The following OPCML variants were observed in gnomAD, a reference collection of about 807,000 sequenced individuals.
OPCML encodes the protein opioid-binding protein/cell adhesion molecule.
OPCML carries 13 observed loss-of-function variants against 37.8 expected under a neutral mutation model. That is an observed-to-expected ratio of 0.34 (90% CI 0.22 to 0.55). The LOEUF (loss-of-function observed/expected upper bound fraction) is 0.55, where lower values mean the gene tolerates loss of function less well. OPCML is among the 20% of genes least tolerant of loss of function. The probability of loss-of-function intolerance (pLI) is 0.91; values close to 1 mark genes in which losing one functional copy is unlikely to be tolerated. For synonymous variants in OPCML, 176 were observed against 168.8 expected (o/e 1.04, Z -0.33); for missense variants, 341 against 435.6 (o/e 0.78, Z 1.93).
intron 3 of OPCML, among the ~76,000 whole-genome samples, chr11:132,630,526 ATGTGTG>A (rs140438717): frequency 4.0e-5 from 6 of 148,980 alleles, no homozygotes; most frequent in Middle Eastern, 3.5e-3. Flanking sequence ...AGGACACAAT[ATGTGTG>A]TGTGTGTGTG....
chr11:132,999,352 G>A (rs187848112), intron 1 of OPCML, among the ~76,000 whole-genome samples: 174 of 152,112 alleles, frequency 1.1e-3, no homozygotes, highest in Admixed American at 9.7e-3. Flanking sequence ...ACTCGGTTTG[G>A]GGATAGTTAA....
At chr11:132,669,193 A>G (rs1371983333) in intron 2 of OPCML, among the ~76,000 whole-genome samples, 2 of 151,998 alleles carry the variant, frequency 1.3e-5, no homozygotes, top group African/African-American at 4.8e-5. Context: ...GCGTCAGTGT[A>G]TAAACAGGAT....
chr11:132,517,509 G>C (rs563156026), intron 4 of OPCML, among the ~76,000 whole-genome samples: 2 of 152,118 alleles, frequency 1.3e-5, no homozygotes, highest in South Asian at 4.1e-4. Context: ...ATGGAACCAG[G>C]CTGCTTATTA....
intron 1 of OPCML, among the ~76,000 whole-genome samples, chr11:133,506,527 C>T (rs999391002): frequency 2.0e-5 from 3 of 152,154 alleles, no homozygotes; most frequent in Admixed American, 1.3e-4. Context: ...CCTGCTCTGG[C>T]GTTGTGATCC....
intron 2 of OPCML, among the ~76,000 whole-genome samples, chr11:132,939,269 C>T (rs935633987): frequency 1.3e-5 from 2 of 152,202 alleles, no homozygotes; most frequent in African/African-American, 4.8e-5. Context: ...TTTGGAAACT[C>T]TACTGCCCAG....
In OPCML at chr11:133,340,643, T is replaced by A. The variant is rs1355846440; in HGVS notation, c.61+191621A>T. 4.2e-5 allele frequency among the ~76,000 whole-genome samples: 6 copies of A among 142,934 alleles called. No individual in the cohort carries two copies. In the East Asian group the frequency reaches 1.2e-3, roughly 28 times the overall value. The allele number at this position is 142,934 out of a possible 152,430, so 93.8% of individuals were successfully genotyped here. A position where few individuals can be genotyped will look rare whatever the true frequency, so the allele number is the denominator to read the frequency against. On this transcript the variant is annotated intron_variant, in intron 1 of 7. Transcript: ENST00000524381. Reference sequence around the variant, plus strand: ...GTGTGTGTGTGTGTGTGTGTGTGTGTGTGTGTAAGAGCTTTTACATTTCCC... The same window carrying A: ...GTGTGTGTGTGTGTGTGTGTGTGTGAGTGTGTAAGAGCTTTTACATTTCCC...
rs2096137431 is a variant in OPCML at position 132,471,331 on chromosome 11, T to C, written c.506-33972A>G. Among the ~76,000 whole-genome samples the C allele has an allele frequency of 5.3e-5, 8 of 152,290 alleles. No individual in the cohort carries two copies. The South Asian group carries it at 1.2e-3, about 24-fold the overall frequency. ...TCAGGTACTGCTCCTGTTCTCCTCT[T>C]GACTCAGTTATCTATTAATTATCTA... On this transcript the variant is annotated intron_variant, in intron 4 of 7. Coordinates refer to ENST00000524381, the MANE Select transcript of OPCML (RefSeq NM_001012393.5).
rs146813095 is a variant in OPCML at position 132,652,214 on chromosome 11, C to A, written c.379+4873G>T. On this transcript the variant is annotated intron_variant, in intron 3 of 7. Coordinates refer to ENST00000524381, the MANE Select transcript of OPCML (RefSeq NM_001012393.5). ...GCTACTAGAAAATTAATTATCCTCT[C>A]TTTGCCCCCCTCACAGCCTCTCTAC... Among the ~76,000 whole-genome samples the A allele has an allele frequency of 4.1e-3, 627 of 152,294 alleles. 3 individuals are homozygous for A. The highest frequency in any genetic ancestry group is 0.013 in the African/African-American group (528 of 41,570).
chr11:133,206,767 G>T lies in OPCML; in HGVS notation c.62-263757C>A, dbSNP rs1939079093. 6.6e-6 allele frequency among the ~76,000 whole-genome samples: 1 copy of T among 152,112 alleles called. No homozygotes were observed. Among genetic ancestry groups the T allele is most frequent in the South Asian group, 2.1e-4 (1 of 4,822 alleles). ...ATGGAAACAAGAAATGCACTGCCTC[G>T]GCGGAGTCTTCTGGTCCGCAGGTTT... On this transcript the variant is annotated intron_variant, in intron 1 of 7. Coordinates refer to ENST00000524381, the MANE Select transcript of OPCML (RefSeq NM_001012393.5). The surrounding 1 kb of genome is among the most constrained non-coding windows in gnomAD (Gnocchi z 4.7).
rs576930454 is a variant in OPCML at position 132,596,118 on chromosome 11, A to G, written c.379+60969T>C. ...ATTGGATTTTCACATACATGACATA[A>G]TCATGTCATGTCCATAGTGGCTTTG... On this transcript the variant is annotated intron_variant, in intron 3 of 7. Transcript: ENST00000524381. Among the ~76,000 whole-genome samples the G allele has an allele frequency of 2.3e-4, 35 of 152,310 alleles. No individual in the cohort carries two copies. In the South Asian group the frequency reaches 3.1e-3, roughly 14 times the overall value.
At chr11:133,439,533 T>C (rs1301200462) in intron 1 of OPCML, among the ~76,000 whole-genome samples, 1 of 152,054 alleles carries the variant, frequency 6.6e-6, no homozygotes, top group African/African-American at 2.4e-5. Flanking sequence ...AGTGGCTCCA[T>C]CTCTGCTCAC....
intron 7 of OPCML, among the ~76,000 whole-genome samples, chr11:132,432,246 A>G (rs549887951): frequency 6.6e-6 from 1 of 152,324 alleles, no homozygotes; most frequent in African/African-American, 2.4e-5. Flanking sequence ...AAAAAGGAAA[A>G]GCACTTAGTC....
chr11:133,321,980 T>C (rs947041982), intron 1 of OPCML, among the ~76,000 whole-genome samples: 33 of 152,172 alleles, frequency 2.2e-4, no homozygotes, highest in African/African-American at 7.7e-4. Context: ...TGCTGAAAAA[T>C]ATTCAAGATT....
At chr11:132,484,468 T>A (rs1198021558) in intron 4 of OPCML, among the ~76,000 whole-genome samples, 1 of 152,208 alleles carries the variant, frequency 6.6e-6, no homozygotes, top group African/African-American at 2.4e-5. Context: ...ACACTGTTGG[T>A]GGGACTGTAA....
intron 1 of OPCML, among the ~76,000 whole-genome samples, chr11:133,320,891 C>A (rs374722204): frequency 1.3e-5 from 2 of 152,140 alleles, no homozygotes; most frequent in Non-Finnish European, 2.9e-5. Flanking sequence ...AACACAATAA[C>A]GGCAGCACCC....
chr11:132,603,445 T>G (rs2137793975), intron 3 of OPCML, among the ~76,000 whole-genome samples: 4 of 152,348 alleles, frequency 2.6e-5, no homozygotes, highest in Admixed American at 2.6e-4. Flanking sequence ...AAAAGAGTTC[T>G]TAAATCCATA....
At chr11:133,482,197 G>A (rs1293618830) in intron 1 of OPCML, among the ~76,000 whole-genome samples, 1 of 152,120 alleles carries the variant, frequency 6.6e-6, no homozygotes, top group East Asian at 1.9e-4. Flanking sequence ...GATCAATGGT[G>A]GTGAGAGGAG....
intron 1 of OPCML, among the ~76,000 whole-genome samples, chr11:133,270,836 C>T (rs73598494): frequency 0.051 from 7,795 of 152,258 alleles, 225 homozygotes; most frequent in Middle Eastern, 0.071. Flanking sequence ...CACTCTGCTT[C>T]CACCTGATAT....
intron 1 of OPCML, chr11:133,008,160 C>T (rs1415326808): frequency 1.0e-6 from 1 of 985,416 alleles, no homozygotes; most frequent in Non-Finnish European, 1.2e-6. Flanking sequence ...TTTAAAATAA[C>T]ATCAGTGACC....
Sources: allele counts gnomAD v4.1 joint callset (sites outside exome capture counted in the v4.1 genomes callset), GRCh38; gene constraint gnomAD v4.1.1; non-coding constraint Gnocchi (gnomAD v3.1); transcripts MANE v1.5; gene names NCBI Gene and HGNC (gene_info 2026-07-23, HGNC 2026-07-21).